The following CTNNA2 variants were observed in gnomAD, a reference collection of about 807,000 sequenced individuals.
The protein encoded by CTNNA2 is catenin alpha 2.
CTNNA2 carries 42 observed loss-of-function variants against 101.0 expected under a neutral mutation model. That is an observed-to-expected ratio of 0.42 (90% CI 0.32 to 0.54). The LOEUF (loss-of-function observed/expected upper bound fraction) is 0.54. Ranked by LOEUF, CTNNA2 falls within the 20% of genes least tolerant of loss-of-function variation. The probability of loss-of-function intolerance (pLI) is 0.14; values close to 1 mark genes in which losing one functional copy is unlikely to be tolerated. For synonymous variants in CTNNA2, 450 were observed against 456.4 expected, an observed-to-expected ratio of 0.99 and a Z score of 0.18; for missense variants, 871 against 1,223.1, an observed-to-expected ratio of 0.71 and a Z score of 4.29.
At chr2:79,963,249 A>T (rs961549176) in intron 7 of CTNNA2, among the ~76,000 whole-genome samples, 1 of 152,114 alleles carries the variant, frequency 6.6e-6, no homozygotes, top group Admixed American at 6.5e-5. Flanking sequence ...ACATTGTATG[A>T]CTGCCAGTCT....
intron 7 of CTNNA2, among the ~76,000 whole-genome samples, chr2:80,274,982 A>G (rs987724667): frequency 6.6e-6 from 1 of 152,220 alleles, no homozygotes; most frequent in African/African-American, 2.4e-5. Context: ...TCCACCATCA[A>G]TTATAGCATA....
chr2:79,245,947 C>T lies in CTNNA2; in HGVS notation c.-406+47871C>T, dbSNP rs190945314. ...CAAGGCATTTTATAGCTCAGAGAGG[C>T]CACCAAACCCAGCCTGCTTCTTCAT... On this transcript the variant is annotated intron_variant, in intron 2 of 21. Coordinates refer to the CTNNA2 transcript ENST00000466387. Among the ~76,000 whole-genome samples the T allele has an allele frequency of 1.2e-3, 178 of 152,314 alleles. 1 individual carries two copies. The highest frequency in any genetic ancestry group is 4.1e-3 in the African/African-American group (171 of 41,572).
intron 12 of CTNNA2, among the ~76,000 whole-genome samples, chr2:80,569,804 A>G (rs1391611229): frequency 2.7e-5 from 4 of 149,382 alleles, no homozygotes; most frequent in South Asian, 2.1e-4. Flanking sequence ...CACCACACCC[A>G]GCTAATTTTT....
chr2:79,391,096 C>T (rs888499545), intron 4 of CTNNA2, among the ~76,000 whole-genome samples: 1 of 152,174 alleles, frequency 6.6e-6, no homozygotes, highest in East Asian at 1.9e-4. Context: ...CCTCTGCCTT[C>T]CTCCGGATTC....
intron 7 of CTNNA2, among the ~76,000 whole-genome samples, chr2:80,120,117 A>G (rs544518676): frequency 1.1e-4 from 17 of 152,300 alleles, no homozygotes; most frequent in Non-Finnish European, 1.6e-4. Flanking sequence ...GAAGTTCCTC[A>G]GTGCTTTTTT....
At chr2:79,316,882 A>G (rs1452055603) in intron 3 of CTNNA2, among the ~76,000 whole-genome samples, 1 of 151,840 alleles carries the variant, frequency 6.6e-6, no homozygotes, top group Non-Finnish European at 1.5e-5. Context: ...TCAAATTTGA[A>G]TGCTATTTTT....
At chr2:79,487,346 A>G (rs1218429486) in intron 4 of CTNNA2, among the ~76,000 whole-genome samples, 2 of 152,200 alleles carry the variant, frequency 1.3e-5, no homozygotes, top group Non-Finnish European at 2.9e-5. Context: ...TTTCATATAA[A>G]CATGCTGCTT....
chr2:80,139,664 C>A (rs1702891162), intron 7 of CTNNA2, among the ~76,000 whole-genome samples: 1 of 152,140 alleles, frequency 6.6e-6, no homozygotes, highest in Non-Finnish European at 1.5e-5. Context: ...AATTTAGCAT[C>A]ATTTCCAAAC....
intron 7 of CTNNA2, among the ~76,000 whole-genome samples, chr2:80,033,924 T>G (rs1191485440): frequency 2.0e-5 from 3 of 149,408 alleles, no homozygotes; most frequent in Admixed American, 6.7e-5. Flanking sequence ...GATTGTTATC[T>G]TGAGCCACAC....
intron 2 of CTNNA2, among the ~76,000 whole-genome samples, chr2:79,218,971 T>A: frequency 6.6e-6 from 1 of 152,182 alleles, no homozygotes; most frequent in East Asian, 1.9e-4. Flanking sequence ...TCATAGTTAA[T>A]CTCTGGTAAT....
intron 17 of CTNNA2, among the ~76,000 whole-genome samples, chr2:80,618,203 C>T (rs1699011363): frequency 1.3e-5 from 2 of 151,756 alleles, no homozygotes; most frequent in Non-Finnish European, 2.9e-5. Flanking sequence ...ATGACTAGAG[C>T]AGAAATCGTC....
At chr2:80,509,625 C>G (rs1275749262) in intron 9 of CTNNA2, among the ~76,000 whole-genome samples, 1 of 152,150 alleles carries the variant, frequency 6.6e-6, no homozygotes, top group East Asian at 1.9e-4. Context: ...AAGCCAAGTT[C>G]AGCACAGTAC....
chr2:80,346,180 C>T (rs1672718436), intron 7 of CTNNA2, among the ~76,000 whole-genome samples: 1 of 152,084 alleles, frequency 6.6e-6, no homozygotes, highest in Non-Finnish European at 1.5e-5. Context: ...TGTATTAGGC[C>T]ATTCTTGCAT....
At chr2:79,499,312 A>C (rs1475531705) in intron 4 of CTNNA2, 1 of 152,160 alleles carries the variant, frequency 6.6e-6, no homozygotes, top group African/African-American at 2.4e-5. Context: ...TCATAAACTG[A>C]AGTCAGAGCT....
upstream of CTNNA2, among the ~76,000 whole-genome samples, chr2:79,508,547 A>T (rs1558686236): frequency 6.6e-6 from 1 of 152,184 alleles, no homozygotes. Context: ...AATTGGAAAT[A>T]AAAGATGATA....
intron 14 of CTNNA2, among the ~76,000 whole-genome samples, chr2:80,583,741 T>G (rs987852131): frequency 9.2e-5 from 14 of 152,160 alleles, no homozygotes; most frequent in Admixed American, 6.6e-5. Flanking sequence ...TCTGTTTCAT[T>G]GGGAACCTAA....
chr2:80,097,383 T>G (rs1185435388), intron 7 of CTNNA2, among the ~76,000 whole-genome samples: 1 of 152,238 alleles, frequency 6.6e-6, no homozygotes, highest in East Asian at 1.9e-4. Flanking sequence ...CAGCTGTTAG[T>G]CTGATGGGCT....
chr2:80,249,918 T>A (rs562944248), intron 7 of CTNNA2, among the ~76,000 whole-genome samples: 2 of 152,318 alleles, frequency 1.3e-5, no homozygotes, highest in African/African-American at 4.8e-5. Context: ...TTATATTTTC[T>A]TAATGTTTTC....
At chr2:80,454,387 A>G (rs976236908) in intron 9 of CTNNA2, among the ~76,000 whole-genome samples, 1 of 152,182 alleles carries the variant, frequency 6.6e-6, no homozygotes, top group African/African-American at 2.4e-5. Flanking sequence ...TCAGACTGTC[A>G]TGGTGGGACT....
Sources: gnomAD v4.1 joint callset for allele counts (sites outside exome capture counted in the v4.1 genomes callset) on GRCh38, gnomAD v4.1.1 for gene constraint, MANE v1.5 for transcripts, NCBI Gene and HGNC (gene_info 2026-07-23, HGNC 2026-07-21) for gene names.